ARFGEF1: variants seen among roughly 807,000 people sequenced by gnomAD.
The protein encoded by ARFGEF1 is ARF guanine nucleotide exchange factor 1.
Under a neutral mutation model 231.0 loss-of-function variants are expected in ARFGEF1, and 42 were observed. The ratio of observed to expected loss-of-function variants is 0.18; its 90% CI spans 0.14 to 0.24. The LOEUF is 0.24. Ranked by LOEUF, ARFGEF1 falls within the 10% of genes least tolerant of loss-of-function variation. The pLI, the probability that ARFGEF1 is intolerant of heterozygous loss-of-function variation, is 1.00. For synonymous variants in ARFGEF1, 710 were observed against 732.3 expected (o/e 0.97, Z 0.49); for missense variants, 1,345 against 2,192.0 (o/e 0.61, Z 7.72).
downstream of ARFGEF1, among the ~76,000 whole-genome samples, chr8:67,194,682 A>AGAATT (rs1332521784): frequency 1.3e-5 from 2 of 150,952 alleles, no homozygotes; most frequent in Non-Finnish European, 3.0e-5. Flanking sequence ...ACAGACCAGG[A>AGAATT]GAATTAAAAA....
At chr8:67,297,041 C>A (rs1026154875) in intron 4 of ARFGEF1, among the ~76,000 whole-genome samples, 18 of 152,130 alleles carry the variant, frequency 1.2e-4, no homozygotes, top group Non-Finnish European at 2.5e-4. Flanking sequence ...TTACCACTTG[C>A]GGGTAGTATA....
chr8:67,294,948 C>T (rs1399935432), intron 5 of ARFGEF1, among the ~76,000 whole-genome samples: 1 of 151,990 alleles, frequency 6.6e-6, no homozygotes, highest in Non-Finnish European at 1.5e-5. Flanking sequence ...CAAAATGAGC[C>T]TGGAAAATCT....
intron 1 of ARFGEF1, among the ~76,000 whole-genome samples, chr8:67,320,309 C>T (rs772911391): frequency 1.3e-5 from 2 of 149,120 alleles, no homozygotes; most frequent in Non-Finnish European, 3.0e-5. Context: ...TGATTTAATG[C>T]TACACACCTA....
chr8:67,182,746 T>C (rs1833377705), intron 5 of ARFGEF1, among the ~76,000 whole-genome samples: 1 of 152,246 alleles, frequency 6.6e-6, no homozygotes, highest in Non-Finnish European at 1.5e-5. Context: ...ATGTTGGACA[T>C]CTTTACATGT....
chr8:67,267,762 G>A (rs1322801062), intron 10 of ARFGEF1, among the ~76,000 whole-genome samples: 3 of 151,962 alleles, frequency 2.0e-5, no homozygotes, highest in East Asian at 1.9e-4. Flanking sequence ...TATAACTTAC[G>A]CTTTTTTAAT....
At chr8:67,274,580 C>T (rs907302748) in intron 9 of ARFGEF1, among the ~76,000 whole-genome samples, 3 of 151,952 alleles carry the variant, frequency 2.0e-5, no homozygotes, top group Admixed American at 2.0e-4. Context: ...CTCTTTTTTT[C>T]AGGAATAAAT....
chr8:67,221,817 C>A (rs990084320), intron 29 of ARFGEF1, among the ~76,000 whole-genome samples: 1 of 147,566 alleles, frequency 6.8e-6, no homozygotes, highest in African/African-American at 2.5e-5. Flanking sequence ...TTTTTTTTTT[C>A]TTTCTTTTTT....
At chr8:67,309,915 T>C (rs1399986161) in intron 1 of ARFGEF1, among the ~76,000 whole-genome samples, 2 of 152,164 alleles carry the variant, frequency 1.3e-5, no homozygotes, top group Non-Finnish European at 2.9e-5. Flanking sequence ...TCATTTTCTA[T>C]TCTATTAAAA....
chr8:67,341,768 G>C (rs373591612), intron 1 of ARFGEF1, among the ~76,000 whole-genome samples: 5 of 152,048 alleles, frequency 3.3e-5, no homozygotes, highest in African/African-American at 9.7e-5. Flanking sequence ...TATAAATACA[G>C]TTTTTGCCAC....
At chr8:67,342,035 T>C (rs1050575409) in intron 1 of ARFGEF1, among the ~76,000 whole-genome samples, 1 of 152,214 alleles carries the variant, frequency 6.6e-6, no homozygotes, top group Non-Finnish European at 1.5e-5. Context: ...TAATTTTAAG[T>C]TGTCTAGACT....
At position 67,238,848 on chromosome 8, in the gene ARFGEF1, G is replaced by A; in HGVS notation, c.3025C>T (p.Leu1009Phe). The A allele has an allele frequency of 6.2e-7, 1 of 1,613,738 alleles. No homozygotes were observed. The highest frequency in any genetic ancestry group is 8.5e-7 in the Non-Finnish European group (1 of 1,179,760). ...TCAGTAATACCGGAACTCACTGTGA[G>A]TAAGGTAAATCTTGCTAGTGCCTGG... ...YVQALARFTL[L>F]TVSSGITEMK... is the part of the protein sequence containing the mutation. The change falls in exon 21 of 39, where the codon CTC becomes TTC. Residue 1009 changes from leucine to phenylalanine, a missense_variant. Physicochemically the swap from Leu to Phe is conservative, Grantham distance 22 (BLOSUM62 0). Transcript: ENST00000262215.
At chr8:67,191,370 T>C (rs990433246) in intron 5 of ARFGEF1, among the ~76,000 whole-genome samples, 1 of 152,254 alleles carries the variant, frequency 6.6e-6, no homozygotes, top group African/African-American at 2.4e-5. Context: ...GAGCCAAGTA[T>C]GCAGAGACCT....
chr8:67,271,759 A>G lies in ARFGEF1; in HGVS notation c.1515T>C (p.Leu505=), dbSNP rs372926542. The change falls in exon 10 of 39, where the codon CTT becomes CTC. Residue 505 remains leucine (L), a synonymous_variant. Coordinates refer to ENST00000262215, the MANE Select transcript of ARFGEF1 (RefSeq NM_006421.5). The part of the protein sequence containing the change: ...SSVPEVFELS[L]SIFLTLLSNF... The stretch of plus-strand genomic sequence containing the variant: ...TTGACAACAAAGTAAGAAATATAGA[A>G]AGAGAAAGCTCAAAAACCTCTGGAA... 13 of 1,613,628 alleles carry G rather than the reference A, an allele frequency of 8.1e-6. No homozygotes were observed. The highest frequency in any genetic ancestry group is 9.3e-6 in the Non-Finnish European group (11 of 1,179,872).
intron 14 of ARFGEF1, among the ~76,000 whole-genome samples, chr8:67,264,651 A>AAT (rs1804775395): frequency 6.6e-6 from 1 of 152,168 alleles, no homozygotes; most frequent in South Asian, 2.1e-4. Flanking sequence ...TGGTGTCATG[A>AAT]AACAGTTGTA....
chr8:67,220,037 CA>C (rs533340819), intron 29 of ARFGEF1, among the ~76,000 whole-genome samples: 7 of 151,766 alleles, frequency 4.6e-5, no homozygotes, highest in Admixed American at 1.3e-4. Context: ...AAAGGATTTA[CA>C]AAAAAAAGCC....
intron 21 of ARFGEF1, 31 bp from the exon 22 acceptor site, chr8:67,238,524 T>G (rs1275543791): frequency 1.3e-6 from 2 of 1,578,062 alleles, no homozygotes; most frequent in African/African-American, 2.7e-5. Context: ...AAATGTTAAA[T>G]TCCATGTTAA....
intron 34 of ARFGEF1, among the ~76,000 whole-genome samples, chr8:67,205,701 C>CA (rs968415044): frequency 2.6e-5 from 4 of 151,264 alleles, no homozygotes; most frequent in Non-Finnish European, 5.9e-5. Flanking sequence ...TACAAAGCTA[C>CA]AAAAAAATGT....
intron 33 of ARFGEF1, among the ~76,000 whole-genome samples, chr8:67,211,863 A>G (rs1187097862): frequency 6.6e-6 from 1 of 152,172 alleles, no homozygotes; most frequent in African/African-American, 2.4e-5. Flanking sequence ...GCGAAACTTC[A>G]AAGTGTAGAG....
rs1178886295 is a variant in ARFGEF1 at position 67,228,205 on chromosome 8, A to G, written c.3421+19T>C. On this transcript the variant is annotated intron_variant, in intron 24 of 38. Transcript: ENST00000262215. Reference sequence around the variant, plus strand: ...TAGCCCCAAGCCAGTTCCGAAGTAGAATAAATGCCCATACTTACCAATGGC... The same window carrying G: ...TAGCCCCAAGCCAGTTCCGAAGTAGGATAAATGCCCATACTTACCAATGGC... 2 of 1,610,122 alleles carry G rather than the reference A, an allele frequency of 1.2e-6. No individual in the cohort carries two copies. The highest frequency in any genetic ancestry group is 1.3e-5 in the African/African-American group (1 of 74,768).
Sources: gnomAD v4.1 joint callset for allele counts (sites outside exome capture counted in the v4.1 genomes callset) on GRCh38, gnomAD v4.1.1 for gene constraint, MANE v1.5 for transcripts, NCBI Gene and HGNC (gene_info 2026-07-23, HGNC 2026-07-21) for gene names.